The following PRRC1 variants were observed in gnomAD, a reference collection of about 807,000 sequenced individuals.
PRRC1 encodes proline rich coiled-coil 1.
In PRRC1, 39 loss-of-function variants were observed where a neutral mutation model predicts 40.7. The ratio of observed to expected loss-of-function variants is 0.96; its 90% confidence interval spans 0.74 to 1.25. PRRC1 has a LOEUF of 1.25. Ranked by LOEUF, PRRC1 falls within the 50% of genes most tolerant of loss-of-function variation. The pLI is 0.00. For synonymous variants in PRRC1, 175 were observed against 193.3 expected (o/e 0.91, Z 0.79); for missense variants, 573 against 548.3 (o/e 1.05, Z -0.45).
intron 7 of PRRC1, among the ~76,000 whole-genome samples, chr5:127,547,297 C>T (rs978440367): frequency 6.6e-6 from 1 of 152,034 alleles, no homozygotes; most frequent in African/African-American, 2.4e-5. Flanking sequence ...AAGACTGACT[C>T]ATTGTGAATA....
chr5:127,551,574 C>G, intron 8 of PRRC1, 133 bp from the exon 9 acceptor site: 1 of 890,056 alleles, frequency 1.1e-6, no homozygotes, highest in Non-Finnish European at 1.7e-6. Context: ...AGTTGGCAGC[C>G]TAGCTGTATT....
intron 1 of PRRC1, among the ~76,000 whole-genome samples, chr5:127,521,697 A>G (rs1161974176): frequency 6.6e-6 from 1 of 152,152 alleles, no homozygotes; most frequent in Non-Finnish European, 1.5e-5. Context: ...GAGGCTGAAC[A>G]CCTTCTGGGC....
Position 127,551,864 on chromosome 5 carries a change from C to T in PRRC1, c.1286C>T (p.Ala429Val), listed in dbSNP as rs201844810. 6 of 1,614,032 alleles carry T rather than the reference C, an allele frequency of 3.7e-6. No homozygotes were observed. Among genetic ancestry groups the T allele is most frequent in the South Asian group, 3.3e-5 (3 of 91,074 alleles). Residue 429 changes from alanine to valine, a missense_variant, in exon 9 of 9, where the codon GCC becomes GTC. Physicochemically the swap from Ala to Val is moderately conservative, Grantham distance 64 (BLOSUM62 0). Coordinates refer to ENST00000296666, the MANE Select transcript of PRRC1 (RefSeq NM_130809.5). ...MSRRQMIYSA[A>V]RAIAGMYKQR... ...CGTCGGCAGATGATCTACAGTGCAG[C>T]CAGAGCGATAGCGGGCATGTATAAA...
chr5:127,520,394 A>G (rs761809447), intron 1 of PRRC1, among the ~76,000 whole-genome samples: 2 of 152,230 alleles, frequency 1.3e-5, no homozygotes, highest in African/African-American at 2.4e-5. Context: ...GATCTTTTCA[A>G]AAAATAAATA....
chr5:127,526,563 T>C, intron 3 of PRRC1, 55 bp from the exon 4 acceptor site: 1 of 1,424,002 alleles, frequency 7.0e-7, no homozygotes, highest in South Asian at 1.4e-5. Flanking sequence ...CTCCTTTTTA[T>C]AGGAAAAAGT....
intron 7 of PRRC1, among the ~76,000 whole-genome samples, chr5:127,539,762 G>A (rs1767989942): frequency 1.3e-5 from 2 of 151,998 alleles, no homozygotes; most frequent in Admixed American, 1.3e-4. Flanking sequence ...AATGGGCATA[G>A]CATTTTGTGG....
intron 7 of PRRC1, among the ~76,000 whole-genome samples, chr5:127,546,005 C>G (rs2127115020): frequency 6.6e-6 from 1 of 152,244 alleles, no homozygotes; most frequent in South Asian, 2.1e-4. Context: ...TTTGGAAATT[C>G]TTTACAATTA....
rs80173230 is a variant in PRRC1, at chr5:127,534,477, G to A, written c.921+691G>A. 9.2e-3 allele frequency among the ~76,000 whole-genome samples: 1,400 copies of A among 152,270 alleles called. 15 individuals are homozygous for A. Among genetic ancestry groups the A allele is most frequent in the East Asian group, 0.03 (153 of 5,176 alleles). ...CTCTACTGATAGTGCTTTCAGGCTC[G>A]TGCTAATGTTCTCCATCTTATTGGA... On this transcript the variant is annotated intron_variant, in intron 6 of 8. Transcript: ENST00000296666.
intron 6 of PRRC1, 26 bp from the exon 7 acceptor site, chr5:127,539,014 C>G: frequency 6.4e-7 from 1 of 1,557,558 alleles, no homozygotes; most frequent in Non-Finnish European, 8.8e-7. Flanking sequence ...TTGAAATGGT[C>G]TCTAACCTCT....
chr5:127,521,765 GA>G (rs1767465523), intron 1 of PRRC1, among the ~76,000 whole-genome samples: 1 of 152,018 alleles, frequency 6.6e-6, no homozygotes, highest in Non-Finnish European at 1.5e-5. Context: ...GGATTTTATT[GA>G]ATGTATCTTG....
chr5:127,550,592 C>G (rs1344357038), intron 8 of PRRC1: 1 of 152,124 alleles, frequency 6.6e-6, no homozygotes, highest in Non-Finnish European at 1.5e-5. Flanking sequence ...TAAGCAGCAC[C>G]TAGAAATTTG....
At chr5:127,538,383 C>T (rs781432571) in intron 6 of PRRC1, among the ~76,000 whole-genome samples, 2 of 152,058 alleles carry the variant, frequency 1.3e-5, no homozygotes, top group Non-Finnish European at 2.9e-5. Context: ...TGTTCATGGT[C>T]ACCTTTTATG....
In PRRC1 at chr5:127,536,254, A is replaced by C. The variant is rs373149126; in HGVS notation, c.921+2468A>C. Among the ~76,000 whole-genome samples, 30 of 151,864 alleles carry C rather than the reference A, an allele frequency of 2.0e-4. No individual in the cohort carries two copies. The East Asian group carries it at 3.7e-3, about 19-fold the overall frequency. ...GTGTTTGGACTTAATAAAATTTAGC[A>C]AAGGTAACTGACGGCTGTAGGGTTT... On this transcript the variant is annotated intron_variant, in intron 6 of 8. Transcript: ENST00000296666.
chr5:127,550,563 G>C (rs1768351721), intron 8 of PRRC1: 1 of 152,120 alleles, frequency 6.6e-6, no homozygotes, highest in Non-Finnish European at 1.5e-5. Flanking sequence ...TAAAAAGTGT[G>C]GTCCTTGGCT....
At chr5:127,527,882 T>G (rs1767667016) in intron 4 of PRRC1, among the ~76,000 whole-genome samples, 1 of 152,126 alleles carries the variant, frequency 6.6e-6, no homozygotes, top group African/African-American at 2.4e-5. Context: ...TTGAAGAAAT[T>G]GATACCTATT....
chr5:127,539,227 G>C (rs987577572), intron 7 of PRRC1, 84 bp downstream of exon 7: 15 of 953,540 alleles, frequency 1.6e-5, no homozygotes, highest in Non-Finnish European at 2.5e-5. Context: ...AGTGTCTCCT[G>C]TTTTATAACC....
intron 7 of PRRC1, among the ~76,000 whole-genome samples, chr5:127,543,785 T>C (rs1358373163): frequency 6.6e-6 from 1 of 152,220 alleles, no homozygotes; most frequent in African/African-American, 2.4e-5. Flanking sequence ...TAAATTTTTT[T>C]CAAAGTTTTC....
intron 7 of PRRC1, among the ~76,000 whole-genome samples, chr5:127,540,878 T>C (rs1215758425): frequency 6.6e-6 from 1 of 152,136 alleles, no homozygotes; most frequent in Non-Finnish European, 1.5e-5. Flanking sequence ...GAAAATTTTC[T>C]CCCATTTTGT....
intron 5 of PRRC1, among the ~76,000 whole-genome samples, chr5:127,531,156 C>A (rs1465825967): frequency 6.6e-6 from 1 of 152,122 alleles, no homozygotes; most frequent in Non-Finnish European, 1.5e-5. Flanking sequence ...TAAGGCCTAG[C>A]AATTGTTAAG....
Sources: allele counts gnomAD v4.1 joint callset (sites outside exome capture counted in the v4.1 genomes callset), GRCh38; gene constraint gnomAD v4.1.1; transcripts MANE v1.5; gene names NCBI Gene and HGNC (gene_info 2026-07-23, HGNC 2026-07-21).